The following FHL1 variants were observed in gnomAD, a reference collection of about 807,000 sequenced individuals.
FHL1 encodes the protein four and a half LIM domains protein 1.
A neutral mutation model predicts 20.3 loss-of-function variants in FHL1; 1 was observed. The observed-to-expected ratio is 0.05, with a 90% confidence interval of 0.02 to 0.23. The LOEUF (loss-of-function observed/expected upper bound fraction) is 0.23, where lower values mean the gene tolerates loss of function less well. FHL1 is among the 10% of genes least tolerant of loss of function. FHL1 has a pLI of 1.00. For missense variants in FHL1, 177 were observed against 234.0 expected (o/e 0.76, Z 1.59); for synonymous variants, 82 against 88.9 (o/e 0.92, Z 0.44).
chrX:136,148,918 G>A (rs1321370926), intron 1 of FHL1, among the ~76,000 whole-genome samples: 1 of 112,158 alleles, frequency 8.9e-6, no homozygotes, highest in East Asian at 2.8e-4. Context: ...TAGAATAAGC[G>A]TATGTATTTG....
At chrX:136,161,104 C>T (rs1252645415) in intron 1 of FHL1, among the ~76,000 whole-genome samples, 1 of 111,720 alleles carries the variant, frequency 9.0e-6, no homozygotes, top group Non-Finnish European at 1.9e-5. Context: ...AGGCTGGGTT[C>T]GTCATTAGGC....
At chrX:136,178,909 C>T (rs1177531138) in intron 2 of FHL1, among the ~76,000 whole-genome samples, 1 of 110,341 alleles carries the variant, frequency 9.1e-6, no homozygotes, top group African/African-American at 3.3e-5. Context: ...CGTGTGCCAC[C>T]AGGCCTGGAT....
intron 5 of FHL1, chrX:136,209,510 C>T (rs2073947425): frequency 9.2e-7 from 1 of 1,084,224 alleles, no homozygotes; most frequent in Admixed American, 2.4e-5. Context: ...ATGGCCCTGA[C>T]CTAAATCAAA....
At chrX:136,179,818 G>A (rs984967574) in intron 2 of FHL1, among the ~76,000 whole-genome samples, 28 of 110,529 alleles carry the variant, frequency 2.5e-4, no homozygotes, top group African/African-American at 8.2e-4. Flanking sequence ...ATTTCTTCCC[G>A]GCCTGTTATC....
chrX:136,210,019 G>C lies in FHL1; in HGVS notation c.885G>C (p.Lys295Asn). 1 of 1,211,096 alleles carries C rather than the reference G, an allele frequency of 8.3e-7. No individual in the cohort carries two copies. The highest frequency in any genetic ancestry group is 1.1e-6 in the Non-Finnish European group (1 of 895,399). The change falls in exon 6 of 6, where the codon AAG becomes AAC. Residue 295 changes from lysine to asparagine, a missense_variant. Lys to Asn is a moderately conservative substitution (Grantham distance 94, BLOSUM62 0). Coordinates refer to ENST00000370683, the MANE Select transcript of FHL1 (RefSeq NM_001159699.2). ...EQVYCPDCAK[K>N]L ...TGTATTGTCCCGACTGTGCCAAAAA[G>C]CTGTAAACTGACAGGGGCTCCTGTC... is the stretch of plus-strand genomic sequence containing the variant.
intron 4 of FHL1, 95 bp downstream of exon 4, chrX:136,208,056 C>T (rs956346092): frequency 2.0e-6 from 2 of 994,914 alleles, no homozygotes; most frequent in Admixed American, 2.2e-5. Context: ...ATTCCATCCT[C>T]ACGACAGCCC....
At chrX:136,160,408 C>T (rs1029866108) in intron 1 of FHL1, among the ~76,000 whole-genome samples, 5 of 111,419 alleles carry the variant, frequency 4.5e-5, no homozygotes, top group African/African-American at 1.6e-4. Context: ...TTATAGAGTT[C>T]GCCTGTTTAG....
intron 2 of FHL1, among the ~76,000 whole-genome samples, chrX:136,188,914 T>C (rs1324411805): frequency 2.7e-5 from 3 of 111,059 alleles, no homozygotes; most frequent in Non-Finnish European, 5.7e-5. Context: ...TGAGATAGGG[T>C]CTTTTAGATC....
intron 1 of FHL1, among the ~76,000 whole-genome samples, chrX:136,205,863 C>A (rs1436917367): frequency 9.0e-6 from 1 of 111,322 alleles, no homozygotes; most frequent in African/African-American, 3.3e-5. Context: ...TTGATGACAA[C>A]GTGGTGGGCT....
At chrX:136,192,431 T>C (rs1042330624), upstream of FHL1, among the ~76,000 whole-genome samples, 2 of 112,179 alleles carry the variant, frequency 1.8e-5, no homozygotes, top group African/African-American at 6.5e-5. Flanking sequence ...ACAGGGGCCA[T>C]GGCTCATGCT....
chrX:136,208,686 G>A lies in FHL1; in HGVS notation c.736+45G>A, dbSNP rs192657911. 2.3e-4 allele frequency: 256 copies of A among 1,124,755 alleles called. 1 individual carries two copies. In the African/African-American group the frequency reaches 3.0e-3, roughly 13 times the overall value. The allele number at this position is 1,124,755 out of a possible 1,213,427, so 92.7% of individuals were successfully genotyped here. ...CTAAGTCTGCCAGGCTAGGTTTTGC[G>A]CATGGTAACCATCTCTCATTTTCCT... On this transcript the variant is annotated intron_variant, in intron 5 of 5. Coordinates refer to ENST00000370683, the MANE Select transcript of FHL1 (RefSeq NM_001159699.2).
chrX:136,152,961 AG>A (rs1429939748), intron 1 of FHL1, among the ~76,000 whole-genome samples: 2 of 111,582 alleles, frequency 1.8e-5, no homozygotes, highest in Admixed American at 1.9e-4. Context: ...TGAACCTGGA[AG>A]TTATGGAAAT....
At chrX:136,158,921 T>C (rs2072492249) in intron 1 of FHL1, among the ~76,000 whole-genome samples, 1 of 111,366 alleles carries the variant, frequency 9.0e-6, no homozygotes, top group Admixed American at 9.6e-5. Context: ...ATTCAACATT[T>C]GTCAAAACCC....
At chrX:136,192,168 C>T (rs191714530), upstream of FHL1, among the ~76,000 whole-genome samples, 1,090 of 111,970 alleles carry the variant, frequency 9.7e-3, 11 homozygotes, top group African/African-American at 0.033. Context: ...TTTCTGTTTT[C>T]TTTACTTCTT....
chrX:136,153,288 G>GT (rs1352056405), intron 1 of FHL1, among the ~76,000 whole-genome samples: 3 of 103,103 alleles, frequency 2.9e-5, no homozygotes, highest in East Asian at 3.2e-4. Flanking sequence ...GGGAGGTGGG[G>GT]GGGGGCAGGA....
intron 4 of FHL1, 92 bp downstream of exon 4, chrX:136,208,053 C>A: frequency 2.0e-6 from 2 of 1,006,465 alleles, no homozygotes; most frequent in Non-Finnish European, 2.8e-6. Flanking sequence ...CCCATTCCAT[C>A]CTCACGACAG....
chrX:136,172,782 G>C (rs1401224628), intron 2 of FHL1, among the ~76,000 whole-genome samples: 1 of 112,324 alleles, frequency 8.9e-6, no homozygotes, highest in African/African-American at 3.2e-5. Context: ...GCCCAGGCTG[G>C]AGTGCAGTGG....
chrX:136,208,360 G>A (rs1286511685), intron 4 of FHL1, 95 bp from the exon 5 acceptor site: 1 of 921,154 alleles, frequency 1.1e-6, no homozygotes, highest in Non-Finnish European at 1.6e-6. Context: ...ATGAGATATT[G>A]TATACCAAAG....
intron 2 of FHL1, among the ~76,000 whole-genome samples, chrX:136,192,005 TAGGTGG>T (rs1173374325): frequency 4.5e-5 from 5 of 112,088 alleles, no homozygotes; most frequent in African/African-American, 1.3e-4. Context: ...ATGTCACAAG[TAGGTGG>T]TAGAAATAAA....
Sources: allele counts gnomAD v4.1 joint callset (sites outside exome capture counted in the v4.1 genomes callset), GRCh38; gene constraint gnomAD v4.1.1; transcripts MANE v1.5; gene names NCBI Gene and HGNC (gene_info 2026-07-23, HGNC 2026-07-21).